The following MGAM variants were observed in gnomAD, a reference collection of about 807,000 sequenced individuals.
MGAM encodes the protein maltase-glucoamylase, also known as alpha-1,4-glucosidase.
MGAM carries 253 observed loss-of-function variants against 358.8 expected under a neutral mutation model. The ratio of observed to expected loss-of-function variants is 0.71; its 90% CI spans 0.64 to 0.78. The LOEUF is 0.78. Ranked by LOEUF, MGAM falls within the 30% of genes least tolerant of loss-of-function variation. The pLI is 0.00. For synonymous variants in MGAM, 1,105 were observed against 1,227.1 expected (o/e 0.90, Z 2.08); for missense variants, 3,080 against 3,432.6 (o/e 0.90, Z 2.57).
Position 142,062,894 on chromosome 7 carries a change from C to G in MGAM, c.4257+192C>G, listed in dbSNP as rs115311407. Among the ~76,000 whole-genome samples, 882 of 152,306 alleles carry G rather than the reference C, an allele frequency of 5.8e-3. 7 individuals are homozygous for G. The highest frequency in any genetic ancestry group is 0.02 in the African/African-American group (825 of 41,566). ...ACACCTTCTACCAGACCTGACGCTC[C>G]TACTGTAAAACCTGTGAGGCGGGAC... On this transcript the variant is annotated intron_variant, in intron 35 of 70. Transcript: ENST00000475668.
chr7:141,986,971 C>G (rs1390962527), intron 2 of MGAM, among the ~76,000 whole-genome samples: 2 of 152,224 alleles, frequency 1.3e-5, no homozygotes, highest in Middle Eastern at 3.4e-3. Flanking sequence ...ATGCAGATAA[C>G]AGGAGGACAA....
At chr7:142,041,464 T>C (rs942873312) in intron 21 of MGAM, among the ~76,000 whole-genome samples, 1 of 152,054 alleles carries the variant, frequency 6.6e-6, no homozygotes, top group East Asian at 1.9e-4. Context: ...GTTGGCTTCC[T>C]TTTTCTAACT....
intron 21 of MGAM, among the ~76,000 whole-genome samples, chr7:142,042,974 AAT>A (rs1233994407): frequency 3.6e-4 from 24 of 67,448 alleles, no homozygotes; most frequent in African/African-American, 1.2e-3. Flanking sequence ...ATCTAAATAT[AAT>A]ATATATATTA....
chr7:142,074,478 A>G (rs1247632805), intron 45 of MGAM, among the ~76,000 whole-genome samples: 2 of 146,282 alleles, frequency 1.4e-5, no homozygotes, highest in African/African-American at 4.9e-5. Context: ...ATTCTATGTT[A>G]ATGTCTTCCT....
At position 142,079,007 on chromosome 7, in the gene MGAM, A is replaced by G. The variant is rs1168418754; in HGVS notation, c.5846A>G (p.Lys1949Arg). The change falls in exon 49 of 71, where the codon AAG becomes AGG. Residue 1949 changes from lysine to arginine, a missense_variant and splice_region_variant. Coordinates refer to ENST00000475668, the MANE Select transcript of MGAM (RefSeq NM_001365693.1). ...TYHKNEMLQF[K>R]IYDPNNNRYE... ...CATAAGAATGAAATGCTACAGTTCA[A>G]GGTAAACACGGTACATATATCAGGC... 6.5e-7 allele frequency: 1 copy of G among 1,549,466 alleles called. No individual in the cohort carries two copies. Among genetic ancestry groups the G allele is most frequent in the Admixed American group, 1.7e-5 (1 of 58,146 alleles).
At chr7:142,010,991 G>A (rs1382568170) in intron 3 of MGAM, among the ~76,000 whole-genome samples, 1 of 152,148 alleles carries the variant, frequency 6.6e-6, no homozygotes, top group East Asian at 1.9e-4. Flanking sequence ...GGAAAGAAAT[G>A]ATAGTTAATA....
intron 1 of MGAM, among the ~76,000 whole-genome samples, chr7:142,003,949 T>C (rs1804949325): frequency 6.6e-6 from 1 of 151,930 alleles, no homozygotes; most frequent in Non-Finnish European, 1.5e-5. Context: ...ATGCTCAACA[T>C]CACTAATCAT....
At position 142,065,488 on chromosome 7, in the gene MGAM, G is replaced by A. The variant is rs1812636953; in HGVS notation, c.4618+20G>A. The A allele has an allele frequency of 1.2e-6, 2 of 1,613,450 alleles. No individual in the cohort carries two copies. Among genetic ancestry groups the A allele is most frequent in the African/African-American group, 2.7e-5 (2 of 74,920 alleles). On this transcript the variant is annotated intron_variant, in intron 38 of 70. Coordinates refer to ENST00000475668, the MANE Select transcript of MGAM (RefSeq NM_001365693.1). ...TCATTGGTGCGTGGGTCCTTCCCCAGGGCCTTTGCCGACAGGGCAGGGAGT... is the reference window on the plus strand; with the variant it reads ...TCATTGGTGCGTGGGTCCTTCCCCAAGGCCTTTGCCGACAGGGCAGGGAGT...
intron 15 of MGAM, 110 bp downstream of exon 15, chr7:142,034,489 C>A: frequency 1.0e-6 from 1 of 1,003,464 alleles, no homozygotes; most frequent in Non-Finnish European, 1.5e-6. Flanking sequence ...TAAGACAAAA[C>A]AAAGCAAAAC....
chr7:142,076,722 G>A lies in MGAM; in HGVS notation c.5389G>A (p.Glu1797Lys). 1 of 1,552,958 alleles carries A rather than the reference G, an allele frequency of 6.4e-7. No individual in the cohort carries two copies. The highest frequency in any genetic ancestry group is 1.3e-5 in the African/African-American group (1 of 74,674). ...GGACCCCAATAATTTAGCATTCAAT[G>A]AGATTAAAATTCTTGGGATGGAGGA... ...YKDPNNLAFN[E>K]IKILGMEEPS... is the part of the protein sequence containing the mutation. The change falls in exon 47 of 71, where the codon GAG (glutamate) becomes AAG (lysine). Residue 1797 changes from glutamate (E) to lysine (K), a missense_variant. Physicochemically the swap from Glu to Lys is moderately conservative, Grantham distance 56. Coordinates refer to ENST00000475668, the MANE Select transcript of MGAM (RefSeq NM_001365693.1).
At position 142,084,741 on chromosome 7, in the gene MGAM, A is replaced by G; in HGVS notation, c.6507+97A>G. ...AATGTTTGTGAGATTCTATAAAGAC[A>G]TAATGTTCTTTTTCAGACAATATCA... On this transcript the variant is annotated intron_variant, in intron 54 of 70. Transcript: ENST00000475668. The G allele has an allele frequency of 2.8e-6, 4 of 1,428,212 alleles. No homozygotes were observed. In the South Asian group the frequency reaches 3.8e-5, roughly 14 times the overall value. The allele number at this position is 1,428,212 out of a possible 1,614,324, so 88.5% of individuals were successfully genotyped here. A position where few individuals can be genotyped will look rare whatever the true frequency, so the allele number is the denominator to read the frequency against.
chr7:141,998,264 G>A (rs1034962851), intron 1 of MGAM, among the ~76,000 whole-genome samples: 29 of 152,240 alleles, frequency 1.9e-4, no homozygotes, highest in East Asian at 1.7e-3. Context: ...TTTACTTTAA[G>A]TTCTGGAATA....
chr7:142,096,758 A>G (rs1173242459), intron 65 of MGAM, among the ~76,000 whole-genome samples: 1 of 152,180 alleles, frequency 6.6e-6, no homozygotes, highest in Non-Finnish European at 1.5e-5. Context: ...CTCTAGCACT[A>G]TTACAACTTT....
chr7:142,052,860 C>G lies in MGAM; in HGVS notation c.3035C>G (p.Ser1012Cys), dbSNP rs141712469. ...LYSVSDVQYN[S>C]HGATADISLK... ...TCTGTCAGTGATGTTCAGTATAATTCCCATGGGGCCACAGCTGACATCTCC... is the reference window on the plus strand; with the variant it reads ...TCTGTCAGTGATGTTCAGTATAATTGCCATGGGGCCACAGCTGACATCTCC... Residue 1012 changes from serine (S) to cysteine (C), a missense_variant, in exon 26 of 71, where the codon TCC becomes TGC. By Grantham distance (112) the Ser-to-Cys change is moderately radical. This residue lies in a region of MGAM where 1,816 missense variants were observed against 1,840.5 expected (regional missense o/e 0.99). Coordinates refer to ENST00000475668, the MANE Select transcript of MGAM (RefSeq NM_001365693.1). 3.8e-4 allele frequency: 613 copies of G among 1,613,734 alleles called. 1 individual carries two copies. In the African/African-American group the frequency reaches 5.4e-3, roughly 14 times the overall value.
chr7:142,014,176 A>G (rs1482619999), intron 3 of MGAM, among the ~76,000 whole-genome samples: 1 of 152,186 alleles, frequency 6.6e-6, no homozygotes, highest in Non-Finnish European at 1.5e-5. Context: ...CAGGGACCAT[A>G]GTTTGAGAAT....
rs1335368526 is a variant in MGAM, at chr7:142,045,062, T to G, written c.2499-2723T>G. On this transcript the variant is annotated intron_variant, in intron 21 of 70. Transcript: ENST00000475668. ...TAATATATGATATATAATATGTATA[T>G]TATATATACGTGTAATATATGATAT... 4.3e-5 allele frequency among the ~76,000 whole-genome samples: 4 copies of G among 92,372 alleles called. 1 individual carries two copies. The highest frequency in any genetic ancestry group is 1.6e-4 in the African/African-American group (4 of 24,902). The allele number at this position is 92,372 out of a possible 152,430, so 60.6% of individuals were successfully genotyped here. A position where few individuals can be genotyped will look rare whatever the true frequency, so the allele number is the denominator to read the frequency against.
rs953008945 is a variant in MGAM, at chr7:142,103,441, T to G, written c.8184+2T>G. 6.3e-7 allele frequency: 1 copy of G among 1,592,628 alleles called. No homozygotes were observed. The highest frequency in any genetic ancestry group is 1.4e-5 in the African/African-American group (1 of 73,892). On this transcript the variant is annotated splice_donor_variant, in intron 70 of 70. Coordinates refer to ENST00000475668, the MANE Select transcript of MGAM (RefSeq NM_001365693.1). LOFTEE classifies it high-confidence loss of function. ...TTCAACAATGACCCCACGACACAGG[T>G]TTGTGACCAGCAAAAAGTGCGAATG...
chr7:142,103,097 G>T (rs1816574905), intron 69 of MGAM, among the ~76,000 whole-genome samples, 172 bp from the exon 70 acceptor site: 1 of 152,172 alleles, frequency 6.6e-6, no homozygotes, highest in African/African-American at 2.4e-5. Context: ...AAGTGGATGG[G>T]AGTTGGCAAT....
At position 142,044,485 on chromosome 7, in the gene MGAM, TATATACACTTAC is replaced by T; in HGVS notation, c.2499-3299_2499-3288del. 1.5e-5 allele frequency among the ~76,000 whole-genome samples: 2 copies of T among 132,998 alleles called. 1 individual carries two copies. Among genetic ancestry groups the T allele is most frequent in the African/African-American group, 5.4e-5 (2 of 37,342 alleles). The allele number at this position is 132,998 out of a possible 152,430, so 87.3% of individuals were successfully genotyped here. A position where few individuals can be genotyped will look rare whatever the true frequency, so the allele number is the denominator to read the frequency against. ...ACGATATATGATATATAATGTATAT[TATATACACTTAC>T]GATATATGATATATAATGTATATTA... On this transcript the variant is annotated intron_variant, in intron 21 of 70. Coordinates refer to ENST00000475668, the MANE Select transcript of MGAM (RefSeq NM_001365693.1).
Sources: allele counts gnomAD v4.1 joint callset (sites outside exome capture counted in the v4.1 genomes callset), GRCh38; gene constraint gnomAD v4.1.1; regional missense constraint gnomAD v4.1.1; transcripts MANE v1.5; gene names NCBI Gene and HGNC (gene_info 2026-07-23, HGNC 2026-07-21).